The following GNL3L variants were observed in gnomAD, a reference collection of about 807,000 sequenced individuals.
The protein encoded by GNL3L is G protein nucleolar 3 like.
Under a neutral mutation model 42.9 loss-of-function variants are expected in GNL3L, and 4 were observed. The observed-to-expected ratio is 0.09, with a 90% confidence interval of 0.05 to 0.21. The LOEUF (loss-of-function observed/expected upper bound fraction) is 0.21, where lower values mean the gene tolerates loss of function less well. GNL3L is among the 10% of genes least tolerant of loss of function. The probability of loss-of-function intolerance (pLI) is 1.00; values close to 1 mark genes in which losing one functional copy is unlikely to be tolerated. For missense variants in GNL3L, 412 were observed against 481.7 expected (o/e 0.86, Z 1.36); for synonymous variants, 159 against 176.3 (o/e 0.90, Z 0.78).
At chrX:54,542,089 T>G (rs1404004626) in intron 5 of GNL3L, among the ~76,000 whole-genome samples, 1 of 112,244 alleles carries the variant, frequency 8.9e-6, no homozygotes, top group African/African-American at 3.2e-5. Flanking sequence ...GAGACTCACA[T>G]GATTTATTTT....
intron 16 of GNL3L, among the ~76,000 whole-genome samples, chrX:54,584,228 C>T (rs1324637428): frequency 9.2e-6 from 1 of 109,228 alleles, no homozygotes; most frequent in Non-Finnish European, 1.9e-5. Context: ...GACAAGGTTT[C>T]ACCATGTATT....
chrX:54,551,781 T>C, intron 11 of GNL3L, 39 bp downstream of exon 11: 1 of 1,206,552 alleles, frequency 8.3e-7, no homozygotes, highest in South Asian at 1.8e-5. Flanking sequence ...TGCCCTACTC[T>C]AAGGGCCCTT....
At chrX:54,569,517 G>A (rs1272820561), downstream of GNL3L, among the ~76,000 whole-genome samples, 1 of 111,782 alleles carries the variant, frequency 8.9e-6, no homozygotes, top group East Asian at 2.8e-4. Flanking sequence ...TTGTTAAAAC[G>A]ATTCTAAAAT....
downstream of GNL3L, among the ~76,000 whole-genome samples, chrX:54,623,204 T>TG (rs919355678): frequency 4.2e-4 from 47 of 112,076 alleles, no homozygotes; most frequent in African/African-American, 1.5e-3. Flanking sequence ...AAGGGCCCCT[T>TG]GCAATTCCAT....
At position 54,541,335 on chromosome X, in the gene GNL3L, C is replaced by T. The variant is rs1404426660; in HGVS notation, c.252C>T (p.Thr84=). The T allele has an allele frequency of 5.8e-6, 7 of 1,209,169 alleles. No homozygotes were observed. The highest frequency in any genetic ancestry group is 7.8e-6 in the Non-Finnish European group (7 of 893,186). ...AGCAAGAAAGACAAAAACGCAGGAC[C>T]ATTGAGAGCTACTGTCAGGATGTCC... is the stretch of plus-strand genomic sequence containing the variant. The part of the protein sequence containing the change: ...AREQERQKRR[T]IESYCQDVLR... Residue 84 remains threonine, a synonymous_variant, in exon 5 of 16, where the codon ACC becomes ACT. Transcript: ENST00000360845.
the GNL3L span, among the ~76,000 whole-genome samples, chrX:54,640,723 G>A: frequency 8.9e-6 from 1 of 112,219 alleles, no homozygotes; most frequent in Non-Finnish European, 1.9e-5. Context: ...TTGTCGACCC[G>A]CTTTCCTGAA....
At chrX:54,621,074 A>G (rs1056971811) in exon 17 of GNL3L, among the ~76,000 whole-genome samples, 3 of 112,166 alleles carry the variant, frequency 2.7e-5, no homozygotes, top group African/African-American at 9.7e-5. Context: ...CACTCATCCC[A>G]CATACTTTAA....
In GNL3L at chrX:54,551,725, C is replaced by T. The variant is rs141166134; in HGVS notation, c.1021C>T (p.Arg341Cys). 1.8e-4 allele frequency: 218 copies of T among 1,209,469 alleles called. No homozygotes were observed. The highest frequency in any genetic ancestry group is 5.2e-4 in the African/African-American group (30 of 57,440). ...PVTPVETILQ[R>C]CNLEEISNYY... Reference sequence around the variant, plus strand: ...GACCCCAGTGGAGACCATCCTGCAGCGCTGCAACCTGGAGGAGGTCCGCAG... The same window carrying T: ...GACCCCAGTGGAGACCATCCTGCAGTGCTGCAACCTGGAGGAGGTCCGCAG... The change falls in exon 11 of 16, where the codon CGC (arginine) becomes TGC (cysteine). Residue 341 changes from arginine (R) to cysteine (C), a missense_variant. Physicochemically the swap from Arg to Cys is radical, Grantham distance 180 (BLOSUM62 -3). Coordinates refer to ENST00000360845, the MANE Select transcript of GNL3L (RefSeq NM_001184819.2).
chrX:54,563,090 A>G lies in GNL3L; in HGVS notation c.*2488A>G, dbSNP rs1452914674. On this transcript the variant is annotated 3_prime_UTR_variant, in exon 16 of 16. Coordinates refer to ENST00000360845, the MANE Select transcript of GNL3L (RefSeq NM_001184819.2). ...AACTATGTGCTCTTGAATAGGCTACAACTTATTTCACACTATCTCATTGAA... is the reference window on the plus strand; with the variant it reads ...AACTATGTGCTCTTGAATAGGCTACGACTTATTTCACACTATCTCATTGAA... Among the ~76,000 whole-genome samples the G allele has an allele frequency of 5.3e-5, 6 of 112,153 alleles. No individual in the cohort carries two copies. Among genetic ancestry groups the G allele is most frequent in the Non-Finnish European group, 9.4e-5 (5 of 53,304 alleles).
intron 16 of GNL3L, among the ~76,000 whole-genome samples, chrX:54,598,302 G>A (rs187554704): frequency 1.5e-4 from 17 of 111,273 alleles, no homozygotes; most frequent in Admixed American, 8.6e-4. Flanking sequence ...TTAGGAAAGC[G>A]CAAAGTCAAG....
the GNL3L span, among the ~76,000 whole-genome samples, chrX:54,635,734 TAA>T: frequency 1.8e-3 from 167 of 90,729 alleles, 1 homozygote; most frequent in African/African-American, 5.9e-3. Context: ...TGTCAGGAAC[TAA>T]AAAAAAAAAA....
chrX:54,629,103 A>G, the GNL3L span, among the ~76,000 whole-genome samples: 1 of 108,840 alleles, frequency 9.2e-6, no homozygotes, highest in Non-Finnish European at 1.9e-5. Context: ...TGATTTGTGT[A>G]TGTTGCTTTT....
chrX:54,599,996 T>C (rs776822116), intron 16 of GNL3L, among the ~76,000 whole-genome samples: 7 of 110,546 alleles, frequency 6.3e-5, no homozygotes, highest in African/African-American at 2.3e-4. Context: ...AGCACATTCA[T>C]AATTGCTTGT....
chrX:54,623,506 G>C (rs772753079), downstream of GNL3L, among the ~76,000 whole-genome samples: 1 of 111,866 alleles, frequency 8.9e-6, no homozygotes, highest in South Asian at 3.7e-4. Context: ...CTTGTGATCC[G>C]CCTGCCTCGG....
chrX:54,560,456 C>T (rs1925227088), intron 15 of GNL3L, 64 bp from the exon 16 acceptor site: 9 of 671,964 alleles, frequency 1.3e-5, no homozygotes, highest in East Asian at 3.2e-5. Flanking sequence ...TGTAGGCCAG[C>T]GTCAGCAGGC....
chrX:54,618,565 T>C (rs1479974609), intron 16 of GNL3L, among the ~76,000 whole-genome samples: 2 of 110,084 alleles, frequency 1.8e-5, no homozygotes, highest in Non-Finnish European at 1.9e-5. Flanking sequence ...AATAGAAAAA[T>C]GGATAAAGAA....
At chrX:54,550,205 CGAGAGAGAGA>C (rs58576849) in intron 9 of GNL3L, among the ~76,000 whole-genome samples, 2 of 91,145 alleles carry the variant, frequency 2.2e-5, no homozygotes, top group Admixed American at 1.2e-4. Flanking sequence ...TGGGAATGAC[CGAGAGAGAGA>C]GAGAGAGAGA....
At chrX:54,579,345 A>G (rs976318728) in intron 16 of GNL3L, among the ~76,000 whole-genome samples, 2 of 111,931 alleles carry the variant, frequency 1.8e-5, no homozygotes, top group Non-Finnish European at 3.8e-5. Flanking sequence ...TGTTATATTT[A>G]AAAGTTAAGT....
chrX:54,551,425 C>A, intron 10 of GNL3L, 143 bp from the exon 11 acceptor site: 1 of 482,243 alleles, frequency 2.1e-6, no homozygotes, highest in Non-Finnish European at 3.6e-6. Flanking sequence ...CCAGTCACCC[C>A]TCCTCCAACT....
Sources: gnomAD v4.1 joint callset for allele counts (sites outside exome capture counted in the v4.1 genomes callset) on GRCh38, gnomAD v4.1.1 for gene constraint, MANE v1.5 for transcripts, NCBI Gene and HGNC (gene_info 2026-07-23, HGNC 2026-07-21) for gene names.